Variants in DYM observed in about 807,000 individuals in gnomAD.
The protein encoded by DYM is dymeclin, also known as dyggve-Melchior-Clausen syndrome protein.
DYM carries 78 observed loss-of-function variants against 93.1 expected under a neutral mutation model. That is an observed-to-expected ratio of 0.84 (90% confidence interval 0.70 to 1.01). The LOEUF (loss-of-function observed/expected upper bound fraction) is 1.01, where lower values mean the gene tolerates loss of function less well. Among genes scored for constraint, DYM ranks in the 50% least tolerant of loss-of-function variants. The pLI is 0.00. For missense variants in DYM, 789 were observed against 845.0 expected, an observed-to-expected ratio of 0.93 and a Z score of 0.82; for synonymous variants, 321 against 319.7, an observed-to-expected ratio of 1.00 and a Z score of -0.04.
intron 6 of DYM, among the ~76,000 whole-genome samples, chr18:49,339,440 G>A (rs2146967547): frequency 6.6e-6 from 1 of 152,298 alleles, no homozygotes; most frequent in South Asian, 2.1e-4. Flanking sequence ...ACTACGATGT[G>A]TGTTGAGTAG....
chr18:49,441,148 ATATAATATATAT>A (rs2081469248), intron 1 of DYM, among the ~76,000 whole-genome samples: 1 of 1,770 alleles, frequency 5.6e-4, no homozygotes, highest in African/African-American at 8.2e-4. Flanking sequence ...ATATTATATA[ATATAATATATAT>A]TATATATTAT....
At chr18:49,328,882 T>G (rs1374957627) in intron 8 of DYM, among the ~76,000 whole-genome samples, 1 of 152,182 alleles carries the variant, frequency 6.6e-6, no homozygotes, top group Non-Finnish European at 1.5e-5. Context: ...TGGCGATTCC[T>G]CAGGGTTCTA....
chr18:49,115,387 G>A (rs2081838369), intron 16 of DYM, among the ~76,000 whole-genome samples: 1 of 152,208 alleles, frequency 6.6e-6, no homozygotes, highest in Non-Finnish European at 1.5e-5. Flanking sequence ...AAAGGTACTG[G>A]GAATTAGAGA....
At chr18:49,064,688 G>C (rs1274729200) in intron 17 of DYM, among the ~76,000 whole-genome samples, 1 of 152,136 alleles carries the variant, frequency 6.6e-6, no homozygotes, top group Non-Finnish European at 1.5e-5. Flanking sequence ...TCTCCAGCAA[G>C]AGTGTATTAA....
chr18:49,333,560 A>T (rs1206455038), intron 7 of DYM, among the ~76,000 whole-genome samples, 168 bp downstream of exon 7: 1 of 152,232 alleles, frequency 6.6e-6, no homozygotes, highest in Non-Finnish European at 1.5e-5. Flanking sequence ...GGTAGATGGC[A>T]CAGGAAAGTA....
rs538381970 is a variant in DYM at position 49,418,239 on chromosome 18, T to C, written c.140+12016A>G. 1.1e-4 allele frequency among the ~76,000 whole-genome samples: 16 copies of C among 152,290 alleles called. No homozygotes were observed. In the South Asian group the frequency reaches 3.3e-3, roughly 32 times the overall value. On this transcript the variant is annotated intron_variant, in intron 2 of 17. Transcript: ENST00000675505. ...CACACGATTATGTTCACACACACCA[T>C]AGCCTCAGATGCCTATGAACCAAAA...
At chr18:49,456,713 C>T (rs2083014111) in intron 1 of DYM, among the ~76,000 whole-genome samples, 3 of 152,116 alleles carry the variant, frequency 2.0e-5, no homozygotes, top group African/African-American at 7.2e-5. Flanking sequence ...TAAAGTTGTT[C>T]CCAGCCCCAC....
At chr18:49,075,497 C>G (rs2077226458) in intron 17 of DYM, among the ~76,000 whole-genome samples, 1 of 152,052 alleles carries the variant, frequency 6.6e-6, no homozygotes, top group African/African-American at 2.4e-5. Context: ...CATTATGGAG[C>G]CAAGGAAATG....
At position 49,037,719 on chromosome 18, in the gene DYM, A is replaced by G. The variant is rs1182451737; in HGVS notation, c.*6336T>C. On this transcript the variant is annotated 3_prime_UTR_variant, in exon 18 of 18. Coordinates refer to ENST00000675505, the MANE Select transcript of DYM (RefSeq NM_001353214.3). ...ATTCTGACAGATGGGTTACCTGGAA[A>G]TCTATTTCCAAAAATATGAGGATTA... Among the ~76,000 whole-genome samples, 1 of 152,248 alleles carries G rather than the reference A, an allele frequency of 6.6e-6. No homozygotes were observed. Among genetic ancestry groups the G allele is most frequent in the East Asian group, 1.9e-4 (1 of 5,206 alleles).
chr18:49,275,871 C>A (rs1203927539), intron 10 of DYM, among the ~76,000 whole-genome samples: 3 of 152,110 alleles, frequency 2.0e-5, no homozygotes, highest in African/African-American at 7.2e-5. Flanking sequence ...TGGGATTTCT[C>A]ATATATAAAA....
intron 2 of DYM, among the ~76,000 whole-genome samples, chr18:49,407,540 G>A (rs1025495302): frequency 6.6e-6 from 1 of 152,152 alleles, no homozygotes; most frequent in Non-Finnish European, 1.5e-5. Flanking sequence ...AAGAGAAGAA[G>A]CAAGAGAGAG....
chr18:49,064,825 T>C (rs2076258854), intron 17 of DYM, among the ~76,000 whole-genome samples: 1 of 151,648 alleles, frequency 6.6e-6, no homozygotes, highest in South Asian at 2.1e-4. Context: ...TTGTAGTTTC[T>C]CTCTTTACTT....
At chr18:49,410,504 C>T (rs1202775815) in intron 2 of DYM, among the ~76,000 whole-genome samples, 1 of 149,832 alleles carries the variant, frequency 6.7e-6, no homozygotes, top group African/African-American at 2.4e-5. Flanking sequence ...TGTATAATAA[C>T]ACCACAACCT....
chr18:49,389,893 T>C (rs1235311998), intron 3 of DYM, among the ~76,000 whole-genome samples: 3 of 152,168 alleles, frequency 2.0e-5, no homozygotes, highest in East Asian at 1.9e-4. Flanking sequence ...TTTTTGTTTT[T>C]TCATCTTTTA....
rs913811342 is a variant in DYM, at chr18:49,038,394, G to C, written c.*5661C>G. On this transcript the variant is annotated 3_prime_UTR_variant, in exon 18 of 18. Transcript: ENST00000675505. ...TATATTTTAAGTGCATATAAATTTA[G>C]ATTATCTTTCTAGTAATTGAATTGA... 6.6e-6 allele frequency among the ~76,000 whole-genome samples: 1 copy of C among 151,932 alleles called. No homozygotes were observed. Among genetic ancestry groups the C allele is most frequent in the Non-Finnish European group, 1.5e-5 (1 of 67,990 alleles).
intron 1 of DYM, among the ~76,000 whole-genome samples, chr18:49,441,361 T>TTA (rs1451919940): frequency 1.9e-5 from 2 of 104,778 alleles, no homozygotes; most frequent in African/African-American, 7.4e-5. Context: ...TATAATTATA[T>TTA]TATATATATG....
intron 16 of DYM, among the ~76,000 whole-genome samples, chr18:49,115,392 T>G (rs936995478): frequency 6.6e-6 from 1 of 152,236 alleles, no homozygotes; most frequent in Admixed American, 6.5e-5. Context: ...TACTGGGAAT[T>G]AGAGATTATT....
Position 49,286,575 on chromosome 18 carries a change from T to C in DYM, c.805A>G (p.Lys269Glu), listed in dbSNP as rs1343212429. 2.2e-5 allele frequency: 36 copies of C among 1,614,082 alleles called. No homozygotes were observed. Among genetic ancestry groups the C allele is most frequent in the Non-Finnish European group, 3.1e-5 (36 of 1,180,000 alleles). The change falls in exon 9 of 18, where the codon AAA (lysine) becomes GAA (glutamate). Residue 269 changes from lysine to glutamate, a missense_variant. Lys to Glu is a moderately conservative substitution (Grantham distance 56). Around this residue, in one of 3 missense-constraint regions of DYM, gnomAD observed 450 missense variants for 436.2 expected, o/e 1.03. Transcript: ENST00000675505. ...TVFTLGGVGS[K>E]AAASPELSSP... ...GAAAGCTCTGGAGAGGCAGCCGCTT[T>C]GCTGCCCACACCACCTAGTGTGAAG...
chr18:49,292,879 G>T (rs560118533), intron 8 of DYM, among the ~76,000 whole-genome samples: 1 of 152,190 alleles, frequency 6.6e-6, no homozygotes, highest in East Asian at 1.9e-4. Flanking sequence ...AGAAGGTACA[G>T]GTTTGTTACA....
Sources: allele counts gnomAD v4.1 joint callset (sites outside exome capture counted in the v4.1 genomes callset), GRCh38; gene constraint gnomAD v4.1.1; regional missense constraint gnomAD v4.1.1; transcripts MANE v1.5; gene names NCBI Gene and HGNC (gene_info 2026-07-23, HGNC 2026-07-21).